Variants in FAM83C observed in about 807,000 individuals in gnomAD.
The protein encoded by FAM83C is scaffolding CK1 anchoring protein C, also known as protein FAM83C.
Under a neutral mutation model 27.1 loss-of-function variants are expected in FAM83C, and 23 were observed. The observed-to-expected ratio is 0.85, with a 90% CI of 0.61 to 1.20. The LOEUF (loss-of-function observed/expected upper bound fraction) is 1.20, where lower values mean the gene tolerates loss of function less well. FAM83C is among the 50% of genes most tolerant of loss of function. The pLI is 0.00. For synonymous variants in FAM83C, 426 were observed against 423.1 expected, an observed-to-expected ratio of 1.01 and a Z score of -0.09; for missense variants, 984 against 1,001.3, an observed-to-expected ratio of 0.98 and a Z score of 0.23.
Position 35,286,896 on chromosome 20 carries a change from TGCC to T in FAM83C, c.1880_1882del (p.Arg627del). The T allele has an allele frequency of 6.2e-7, 1 of 1,614,170 alleles. No homozygotes were observed. The highest frequency in any genetic ancestry group is 8.5e-7 in the Non-Finnish European group (1 of 1,180,018). ...GTCCAGCTGGCTGTGCCCCAGGGTC[TGCC>T]GCCGCTCATCTGGTGCCCGTCTGGC... On this transcript the variant is annotated inframe_deletion, in exon 4 of 4. Transcript: ENST00000374408.
At position 35,292,198 on chromosome 20, in the gene FAM83C, G is replaced by A. The variant is rs549811858; in HGVS notation, c.107C>T (p.Pro36Leu). Reference sequence around the variant, plus strand: ...CGCCTCGCTGTGCCGCAGCACCAGCGGTGAGCTCTCCCGCCACCACGGCAG... The same window carrying A: ...CGCCTCGCTGTGCCGCAGCACCAGCAGTGAGCTCTCCCGCCACCACGGCAG... Reference protein sequence around the residue: ...LKLPWWRESSPLVLRHSEAAR... With the variant: ...LKLPWWRESSLLVLRHSEAAR... The change falls in exon 1 of 4, where the codon CCG becomes CTG. Residue 36 changes from proline (P) to leucine (L), a missense_variant. Pro to Leu is a moderately conservative substitution (Grantham distance 98). Coordinates refer to ENST00000374408, the MANE Select transcript of FAM83C (RefSeq NM_178468.6). The A allele has an allele frequency of 8.8e-6, 14 of 1,594,442 alleles. No homozygotes were observed. In the East Asian group the frequency reaches 1.3e-4, roughly 15 times the overall value.
At chr20:35,290,692 A>G (rs2060844487) in intron 1 of FAM83C, among the ~76,000 whole-genome samples, 1 of 152,134 alleles carries the variant, frequency 6.6e-6, no homozygotes, top group Non-Finnish European at 1.5e-5. Flanking sequence ...GCACTGGGGG[A>G]TGCCCTAGTT....
intron 1 of FAM83C, 97 bp downstream of exon 1, chr20:35,291,695 C>A (rs2060847208): frequency 6.7e-7 from 1 of 1,501,054 alleles, no homozygotes; most frequent in Non-Finnish European, 9.1e-7. Context: ...CCTCATTCTG[C>A]CCCTAAGTCG....
In FAM83C at chr20:35,287,600, G is replaced by C; in HGVS notation, c.1179C>G (p.Ser393=). ...PARREASGQP[S]LHRQLSDPNH... Reference sequence around the variant, plus strand: ...TAGGGTCTGACAGTTGGCGATGTAGGGAGGGCTGGCCACTGGCCTCACGGC... The same window carrying C: ...TAGGGTCTGACAGTTGGCGATGTAGCGAGGGCTGGCCACTGGCCTCACGGC... Residue 393 remains serine (S), a synonymous_variant, in exon 4 of 4, where the codon TCC becomes TCG. Coordinates refer to ENST00000374408, the MANE Select transcript of FAM83C (RefSeq NM_178468.6). 1 of 1,614,090 alleles carries C rather than the reference G, an allele frequency of 6.2e-7. No homozygotes were observed. The highest frequency in any genetic ancestry group is 8.5e-7 in the Non-Finnish European group (1 of 1,179,990).
rs200715268 is a variant in FAM83C, at chr20:35,288,897, G to A, written c.575C>T (p.Ala192Val). 13 of 1,613,998 alleles carry A rather than the reference G, an allele frequency of 8.1e-6. No individual in the cohort carries two copies. In the Admixed American group the frequency reaches 1.3e-4, roughly 17 times the overall value. The change falls in exon 2 of 4, where the codon GCC becomes GTC. Residue 192 changes from alanine to valine, a missense_variant. Coordinates refer to ENST00000374408, the MANE Select transcript of FAM83C (RefSeq NM_178468.6). ...CACAGGGACACCACGCCGGCTTGAG[G>A]CCTCCATGAGGTCACACAGAAGCTC... ...DMELLCDLME[A>V]SSRRGVPVYL...
rs751783915 is a variant in FAM83C, at chr20:35,287,454, C to T, written c.1325G>A (p.Gly442Glu). 3.1e-6 allele frequency: 5 copies of T among 1,614,158 alleles called. No individual in the cohort carries two copies. The Admixed American group carries it at 6.7e-5, about 22-fold the overall frequency. ...NSTSPLTLAV[G>E]SPLLPRSRPL... ...CCGGGAGCGAGGAAGCAGAGGTGACCCCACTGCCAAGGTTAAGGGGCTGGT... is the reference window on the plus strand; with the variant it reads ...CCGGGAGCGAGGAAGCAGAGGTGACTCCACTGCCAAGGTTAAGGGGCTGGT... The change falls in exon 4 of 4, where the codon GGG (glycine) becomes GAG (glutamate). Residue 442 changes from glycine (G) to glutamate (E), a missense_variant. Transcript: ENST00000374408.
In FAM83C at chr20:35,287,177, A is replaced by T. The variant is rs1276347056; in HGVS notation, c.1602T>A (p.Leu534=). The T allele has an allele frequency of 6.2e-7, 1 of 1,608,548 alleles. No individual in the cohort carries two copies. The highest frequency in any genetic ancestry group is 8.5e-7 in the Non-Finnish European group (1 of 1,179,656). The change falls in exon 4 of 4, where the codon CTT becomes CTA. Residue 534 remains leucine, a synonymous_variant. Transcript: ENST00000374408. ...CCTCTGGGGCCTGCTCGCCAGGCCG[A>T]AGGGGGCCTGAGTTGGGGGTAACCC... The part of the protein sequence containing the change: ...DSGVTPNSGP[L]RPGEQAPEDR...
chr20:35,289,860 T>C (rs906189299), intron 1 of FAM83C, among the ~76,000 whole-genome samples: 5 of 152,162 alleles, frequency 3.3e-5, no homozygotes, highest in Non-Finnish European at 2.9e-5. Context: ...TTCTCAAAGA[T>C]GACTGTGGAT....
At chr20:35,288,215 C>T (rs552668767) in intron 3 of FAM83C, among the ~76,000 whole-genome samples, 1 of 152,094 alleles carries the variant, frequency 6.6e-6, no homozygotes, top group South Asian at 2.1e-4. Context: ...GGGAGGTTCC[C>T]TGAAGTCACT....
Position 35,291,800 on chromosome 20 carries a change from C to T in FAM83C, c.505G>A (p.Ala169Thr), listed in dbSNP as rs2060847538. Reference protein sequence around the residue: ...KDLLRFLFSQAHTVVAVVMDI... With the variant: ...KDLLRFLFSQTHTVVAVVMDI... ...AGAGATGAGGCCCTTACCGTGTGGG[C>T]CTGGCTGAAAAGGAAGCGCAGCAGG... The change falls in exon 1 of 4, where the codon GCC becomes ACC. Residue 169 changes from alanine to threonine, a missense_variant. Ala to Thr is a moderately conservative substitution (Grantham distance 58). Coordinates refer to ENST00000374408, the MANE Select transcript of FAM83C (RefSeq NM_178468.6). The T allele has an allele frequency of 6.2e-7, 1 of 1,614,042 alleles. No individual in the cohort carries two copies. The highest frequency in any genetic ancestry group is 1.6e-4 in the Middle Eastern group (1 of 6,062).
intron 1 of FAM83C, 101 bp from the exon 2 acceptor site, chr20:35,289,059 G>T: frequency 6.9e-7 from 1 of 1,447,798 alleles, no homozygotes; most frequent in Non-Finnish European, 9.3e-7. Context: ...AAAGAGTACT[G>T]GACTGAAAAT....
In FAM83C at chr20:35,286,354, G is replaced by A; in HGVS notation, c.*181C>T. On this transcript the variant is annotated 3_prime_UTR_variant, in exon 4 of 4. Coordinates refer to ENST00000374408, the MANE Select transcript of FAM83C (RefSeq NM_178468.6). ...CTAGATTCAAGAAGATACTAGTTAG[G>A]GTGTGTGTGTGTGTGTGTGTGTGTG... is the stretch of plus-strand genomic sequence containing the variant. 2.0e-6 allele frequency: 1 copy of A among 511,806 alleles called. No homozygotes were observed. The highest frequency in any genetic ancestry group is 3.4e-6 in the Non-Finnish European group (1 of 293,936). The allele number at this position is 511,806 out of a possible 1,614,324, so 31.7% of individuals were successfully genotyped here.
At position 35,287,759 on chromosome 20, in the gene FAM83C, C is replaced by T. The variant is rs141723001; in HGVS notation, c.1020G>A (p.Ser340=). Residue 340 remains serine (S), a synonymous_variant, in exon 4 of 4, where the codon TCG becomes TCA. Transcript: ENST00000374408. ...TGAGGCTGGTGCTGGAGGGCAGGGA[C>T]GACGTGGGGCTTGGGACATCAGGCC... is the stretch of plus-strand genomic sequence containing the variant. ...AFRPDVPSPT[S]SLPSSTSLSS... is the part of the protein sequence containing the mutation. 2,369 of 1,613,088 alleles carry T rather than the reference C, an allele frequency of 1.5e-3. 18 individuals are homozygous for T. The African/African-American group carries it at 0.027, about 18-fold the overall frequency.
intron 1 of FAM83C, among the ~76,000 whole-genome samples, chr20:35,289,272 A>G (rs1190168442): frequency 1.3e-5 from 2 of 151,908 alleles, no homozygotes; most frequent in Non-Finnish European, 2.9e-5. Flanking sequence ...GGCTCAAGCA[A>G]TCTCCTCCCA....
At chr20:35,288,991 C>G (rs2146274177) in intron 1 of FAM83C, 33 bp from the exon 2 acceptor site, 1 of 1,596,858 alleles carries the variant, frequency 6.3e-7, no homozygotes, top group African/African-American at 1.3e-5. Flanking sequence ...AAGCTCAGCG[C>G]TGCCCAGGGC....
In FAM83C at chr20:35,292,154, C is replaced by T. The variant is rs767870445; in HGVS notation, c.151G>A (p.Ala51Thr). 1.3e-6 allele frequency: 2 copies of T among 1,598,064 alleles called. No homozygotes were observed. Among genetic ancestry groups the T allele is most frequent in the Non-Finnish European group, 1.7e-6 (2 of 1,179,222 alleles). The change falls in exon 1 of 4, where the codon GCC (alanine) becomes ACC (threonine). Residue 51 changes from alanine (A) to threonine (T), a missense_variant. Ala to Thr is a moderately conservative substitution (Grantham distance 58). Coordinates refer to ENST00000374408, the MANE Select transcript of FAM83C (RefSeq NM_178468.6). ...GCAGCCTCACCCCGCTCCAGGAGGG[C>T]GTCGGCCGCCAGCCGAGCCGCCTCG... ...HSEAARLAAD[A>T]LLERGEAAYL...
rs564649921 is a variant in FAM83C, at chr20:35,290,944, GC to G, written c.513+847del. Among the ~76,000 whole-genome samples the G allele has an allele frequency of 9.8e-5, 15 of 152,320 alleles. No individual in the cohort carries two copies. In the South Asian group the frequency reaches 2.7e-3, roughly 27 times the overall value. Reference sequence around the variant, plus strand: ...GGAGCCTAACTCTCCCTCAAACCCTGCCAGGGATCATCTCGTCCATTCCCCT... The same window carrying G: ...GGAGCCTAACTCTCCCTCAAACCCTGCAGGGATCATCTCGTCCATTCCCCT... On this transcript the variant is annotated intron_variant, in intron 1 of 3. Coordinates refer to ENST00000374408, the MANE Select transcript of FAM83C (RefSeq NM_178468.6).
Position 35,287,169 on chromosome 20 carries a change from C to T in FAM83C, c.1610G>A (p.Gly537Asp). 6.2e-7 allele frequency: 1 copy of T among 1,607,172 alleles called. No homozygotes were observed. The highest frequency in any genetic ancestry group is 1.1e-5 in the South Asian group (1 of 91,022). Residue 537 changes from glycine (G) to aspartate (D), a missense_variant, in exon 4 of 4, where the codon GGC becomes GAC. Gly to Asp is a moderately conservative substitution (Grantham distance 94, BLOSUM62 -1). Coordinates refer to ENST00000374408, the MANE Select transcript of FAM83C (RefSeq NM_178468.6). ...VTPNSGPLRP[G>D]EQAPEDRRLS... Reference sequence around the variant, plus strand: ...CCTCCTGTCCTCTGGGGCCTGCTCGCCAGGCCGAAGGGGGCCTGAGTTGGG... The same window carrying T: ...CCTCCTGTCCTCTGGGGCCTGCTCGTCAGGCCGAAGGGGGCCTGAGTTGGG...
In FAM83C at chr20:35,286,169, C is replaced by G. The variant is rs917735055; in HGVS notation, c.*366G>C. 3 of 197,452 alleles carry G rather than the reference C, an allele frequency of 1.5e-5. No individual in the cohort carries two copies. Among genetic ancestry groups the G allele is most frequent in the African/African-American group, 7.0e-5 (3 of 42,620 alleles). 12.2% of individuals were successfully genotyped at this position (197,452 alleles called of 1,614,324 possible). A position where few individuals can be genotyped will look rare whatever the true frequency, so the allele number is the denominator to read the frequency against. On this transcript the variant is annotated 3_prime_UTR_variant, in exon 4 of 4. Coordinates refer to ENST00000374408, the MANE Select transcript of FAM83C (RefSeq NM_178468.6). ...ACTACTCCACCTTCTCCAGGACTCT[C>G]TGCCCTTTGTTTTCTAACACCCTCT...
Sources: allele counts gnomAD v4.1 joint callset (sites outside exome capture counted in the v4.1 genomes callset), GRCh38; gene constraint gnomAD v4.1.1; transcripts MANE v1.5; gene names NCBI Gene and HGNC (gene_info 2026-07-23, HGNC 2026-07-21).